ENTHD1: variants seen among roughly 807,000 people sequenced by gnomAD.
ENTHD1 encodes ENTH domain containing 1.
A neutral mutation model predicts 39.1 loss-of-function variants in ENTHD1; 23 were observed. The observed-to-expected ratio is 0.59, with a 90% CI of 0.42 to 0.83. The LOEUF (loss-of-function observed/expected upper bound fraction) is 0.83, where lower values mean the gene tolerates loss of function less well. ENTHD1 is among the 40% of genes least tolerant of loss of function. The pLI is 0.00. For missense variants in ENTHD1, 624 were observed against 705.4 expected (o/e 0.88, Z 1.31); for synonymous variants, 230 against 258.2 (o/e 0.89, Z 1.05).
chr22:39,804,741 C>T (rs555361460), intron 5 of ENTHD1, among the ~76,000 whole-genome samples: 20 of 152,266 alleles, frequency 1.3e-4, no homozygotes, highest in African/African-American at 4.8e-4. Flanking sequence ...AAGGCCCTTC[C>T]CCAAGCACAG....
rs368618977 is a variant in ENTHD1, at chr22:39,743,764, A to G, written c.1739T>C (p.Leu580Ser). The G allele has an allele frequency of 5.0e-6, 8 of 1,614,024 alleles. No homozygotes were observed. The highest frequency in any genetic ancestry group is 6.8e-6 in the Non-Finnish European group (8 of 1,180,006). ...IQELNVINNI[L>S]MSMSLNSSQI... ...TGAACTATTCAGACTCATGCTCATC[A>G]AGATGTTATTGATGACATTAAGTTC... Residue 580 changes from leucine to serine, a missense_variant, in exon 7 of 7, where the codon TTG becomes TCG. Leu to Ser is a moderately radical substitution (Grantham distance 145). Coordinates refer to ENST00000325157, the MANE Select transcript of ENTHD1 (RefSeq NM_152512.4).
At chr22:39,752,073 A>C (rs891844030) in intron 6 of ENTHD1, among the ~76,000 whole-genome samples, 3 of 151,996 alleles carry the variant, frequency 2.0e-5, no homozygotes, top group Non-Finnish European at 4.4e-5. Context: ...CTCTCTCTCT[A>C]TAGAAGATAG....
intron 4 of ENTHD1, among the ~76,000 whole-genome samples, chr22:39,826,946 C>T (rs2065831146): frequency 6.6e-6 from 1 of 151,496 alleles, no homozygotes; most frequent in African/African-American, 2.4e-5. Context: ...AATCTTGGCT[C>T]AAGCTGTCCT....
At chr22:39,752,040 G>C (rs5757789) in intron 6 of ENTHD1, among the ~76,000 whole-genome samples, 4 of 152,094 alleles carry the variant, frequency 2.6e-5, no homozygotes, top group African/African-American at 9.7e-5. Flanking sequence ...CTATAGAAGA[G>C]AGAAAGCTTT....
intron 5 of ENTHD1, among the ~76,000 whole-genome samples, chr22:39,819,446 T>C (rs1162555294): frequency 1.3e-5 from 2 of 149,564 alleles, no homozygotes; most frequent in Non-Finnish European, 3.0e-5. Flanking sequence ...TGAAAAGATA[T>C]GGAGGAACCC....
intron 2 of ENTHD1, among the ~76,000 whole-genome samples, chr22:39,873,614 T>C (rs2066261872): frequency 1.3e-5 from 2 of 152,226 alleles, no homozygotes; most frequent in Non-Finnish European, 2.9e-5. Flanking sequence ...CAAGTCTCTG[T>C]AAGAGAGAAA....
chr22:39,810,244 G>T (rs907293478), intron 5 of ENTHD1, among the ~76,000 whole-genome samples: 12 of 152,116 alleles, frequency 7.9e-5, no homozygotes, highest in African/African-American at 2.7e-4. Context: ...TCCGATATTG[G>T]CTCTGAACTG....
Position 39,743,494 on chromosome 22 carries a change from T to C in ENTHD1, c.*185A>G. On this transcript the variant is annotated 3_prime_UTR_variant, in exon 7 of 7. Coordinates refer to ENST00000325157, the MANE Select transcript of ENTHD1 (RefSeq NM_152512.4). ...CTGAAATTATCAAAGGTGACATCTT[T>C]CCCTTTTAAAAAATAAACCACCCAA... The C allele has an allele frequency of 1.7e-6, 1 of 597,384 alleles. No homozygotes were observed. The highest frequency in any genetic ancestry group is 3.1e-5 in the East Asian group (1 of 32,050). 37.0% of individuals were successfully genotyped at this position (597,384 alleles called of 1,614,324 possible).
intron 5 of ENTHD1, among the ~76,000 whole-genome samples, chr22:39,778,407 CAG>C (rs540207316): frequency 3.9e-5 from 6 of 152,310 alleles, no homozygotes; most frequent in Admixed American, 2.0e-4. Flanking sequence ...CTATAACTCT[CAG>C]ACATATGCCC....
Position 39,875,900 on chromosome 22 carries a change from C to T in ENTHD1, c.349+11500G>A, listed in dbSNP as rs1054955368. 21 of 1,613,774 alleles carry T rather than the reference C, an allele frequency of 1.3e-5. No homozygotes were observed. The East Asian group carries it at 3.8e-4, about 29-fold the overall frequency. ...GAGGGACCCACAGCATGATCTAGAT[C>T]GAGTAAAGAAACCTGAATGGGTTAT... is the stretch of plus-strand genomic sequence containing the variant. On this transcript the variant is annotated intron_variant, in intron 2 of 6. Coordinates refer to ENST00000325157, the MANE Select transcript of ENTHD1 (RefSeq NM_152512.4).
chr22:39,870,144 G>A lies in ENTHD1; in HGVS notation c.350-8137C>T, dbSNP rs559209840. ...CAATTCTCATGCCTCAGCCTCCCGA[G>A]TGGCTGGGATTACAGGCAGACACCA... On this transcript the variant is annotated intron_variant, in intron 2 of 6. Coordinates refer to ENST00000325157, the MANE Select transcript of ENTHD1 (RefSeq NM_152512.4). Among the ~76,000 whole-genome samples the A allele has an allele frequency of 5.9e-5, 9 of 152,110 alleles. No homozygotes were observed. The East Asian group carries it at 1.7e-3, about 29-fold the overall frequency.
At chr22:39,836,191 ATTATT>A (rs1412670411) in intron 3 of ENTHD1, among the ~76,000 whole-genome samples, 1 of 152,144 alleles carries the variant, frequency 6.6e-6, no homozygotes, top group Non-Finnish European at 1.5e-5. Context: ...AGAAAATAAA[ATTATT>A]TTCTTTATAT....
chr22:39,743,579 T>C lies in ENTHD1; in HGVS notation c.*100A>G. ...AACCTGACAAGGAAAAATTAAACCA[T>C]CCCCTTTTTTGCCATAATAATATGA... On this transcript the variant is annotated 3_prime_UTR_variant, in exon 7 of 7. Coordinates refer to ENST00000325157, the MANE Select transcript of ENTHD1 (RefSeq NM_152512.4). 7.5e-7 allele frequency: 1 copy of C among 1,329,786 alleles called. No individual in the cohort carries two copies. The highest frequency in any genetic ancestry group is 9.9e-7 in the Non-Finnish European group (1 of 1,009,462). The allele number at this position is 1,329,786 out of a possible 1,614,324, so 82.4% of individuals were successfully genotyped here.
intron 2 of ENTHD1, among the ~76,000 whole-genome samples, chr22:39,881,454 A>C (rs2066337841): frequency 6.6e-6 from 1 of 152,230 alleles, no homozygotes; most frequent in Non-Finnish European, 1.5e-5. Context: ...TTGAAAAAGT[A>C]ACTTATTATT....
chr22:39,785,003 AT>A (rs1391564485), intron 5 of ENTHD1, among the ~76,000 whole-genome samples: 5 of 152,208 alleles, frequency 3.3e-5, no homozygotes, highest in Non-Finnish European at 7.3e-5. Flanking sequence ...ATTTTTACAA[AT>A]TATATAAATG....
chr22:39,757,590 T>C (rs1450529075), intron 6 of ENTHD1, among the ~76,000 whole-genome samples: 2 of 151,908 alleles, frequency 1.3e-5, no homozygotes, highest in Admixed American at 6.6e-5. Context: ...GGCAGGAGAA[T>C]CACTTGAATC....
chr22:39,892,126 A>C (rs1264589509), intron 1 of ENTHD1, among the ~76,000 whole-genome samples: 5 of 152,240 alleles, frequency 3.3e-5, no homozygotes, highest in African/African-American at 1.2e-4. Context: ...TTGTGGAGAA[A>C]TATAAAACAT....
At chr22:39,761,470 T>G (rs1033019973) in intron 6 of ENTHD1, among the ~76,000 whole-genome samples, 10 of 152,186 alleles carry the variant, frequency 6.6e-5, no homozygotes, top group African/African-American at 2.4e-4. Flanking sequence ...AGTTTATTTC[T>G]TTCACACATT....
chr22:39,876,134 T>C, intron 2 of ENTHD1: 1 of 1,566,884 alleles, frequency 6.4e-7, no homozygotes, highest in Non-Finnish European at 8.7e-7. Flanking sequence ...ACTCAAGTCA[T>C]AGGCTTCTTT....
Sources: allele counts gnomAD v4.1 joint callset (sites outside exome capture counted in the v4.1 genomes callset), GRCh38; gene constraint gnomAD v4.1.1; transcripts MANE v1.5; gene names NCBI Gene and HGNC (gene_info 2026-07-23, HGNC 2026-07-21).